AMY2B: variants seen among roughly 807,000 people sequenced by gnomAD.
AMY2B encodes amylase alpha 2B, also known as alpha-amylase 2B.
A neutral mutation model predicts 59.3 loss-of-function variants in AMY2B; 63 were observed. The observed-to-expected ratio is 1.06, with a 90% CI of 0.87 to 1.31. AMY2B has a LOEUF of 1.31. Ranked by LOEUF, AMY2B falls within the 50% of genes most tolerant of loss-of-function variation. AMY2B has a pLI of 0.00. For missense variants in AMY2B, 635 were observed against 626.7 expected, an observed-to-expected ratio of 1.01 and a Z score of -0.14; for synonymous variants, 180 against 198.1, an observed-to-expected ratio of 0.91 and a Z score of 0.77.
At position 103,579,467 on chromosome 1, in the gene AMY2B, AT is replaced by A. The variant is rs1652489144; in HGVS notation, c.1506del (p.Phe502LeufsTer13). 1 of 1,611,412 alleles carries A rather than the reference AT, an allele frequency of 6.2e-7. No individual in the cohort carries two copies. The highest frequency in any genetic ancestry group is 1.1e-5 in the South Asian group (1 of 90,844). ...FSISNSAEDP[F>X]IAIHAESKL ...CTATTAGTAACTCTGCTGAGGATCC[AT>A]TTATTGCAATTCATGCTGAATCTAA... is the stretch of plus-strand genomic sequence containing the variant. On this transcript the variant is annotated frameshift_variant, in exon 10 of 10. Coordinates refer to ENST00000684275, the MANE Select transcript of AMY2B (RefSeq NM_001387437.1). LOFTEE classifies it high-confidence loss of function.
At chr1:103,577,663 A>T in intron 8 of AMY2B, 55 bp downstream of exon 8, 1 of 1,611,934 alleles carries the variant, frequency 6.2e-7, no homozygotes, top group Non-Finnish European at 8.5e-7. Context: ...ATTGCATTTT[A>T]TTTAAAACAG....
chr1:103,575,516 G>A lies in AMY2B; in HGVS notation c.1077G>A (p.Trp359Ter), dbSNP rs757818865. The part of the protein sequence containing the change: ...GFTRVMSSYR[W>*]PRQFQNGNDV... The stretch of plus-strand genomic sequence containing the variant: ...CACGAGTAATGTCAAGCTACCGTTG[G>A]CCAAGACAGTTTCAAAATGGAAACG... The change falls in exon 7 of 10, where the codon TGG (tryptophan) becomes TGA (stop). Residue 359 changes from tryptophan (W) to a stop codon, truncating the protein, a stop_gained. Transcript: ENST00000684275. LOFTEE classifies it high-confidence loss of function. 2.4e-5 allele frequency: 39 copies of A among 1,613,492 alleles called. No homozygotes were observed. The highest frequency in any genetic ancestry group is 5.0e-5 in the Admixed American group (3 of 59,950).
chr1:103,578,037 G>A (rs1652433361), intron 9 of AMY2B, among the ~76,000 whole-genome samples, 192 bp downstream of exon 9: 1 of 152,078 alleles, frequency 6.6e-6, no homozygotes. Context: ...GTTTTATTAA[G>A]GGCTTTCTGT....
chr1:103,564,306 C>T (rs1233321616), intron 1 of AMY2B, among the ~76,000 whole-genome samples: 15 of 151,978 alleles, frequency 9.9e-5, no homozygotes, highest in Admixed American at 9.9e-4. Flanking sequence ...CATTTGGAAC[C>T]TTGAGTCAAG....
upstream of AMY2B, chr1:103,569,869 C>G (rs546030612): frequency 6.6e-6 from 3 of 457,946 alleles, no homozygotes; most frequent in East Asian, 1.1e-4. Context: ...TGCTGCTGAC[C>G]GAGGACCCCC....
At position 103,573,699 on chromosome 1, in the gene AMY2B, C is replaced by T; in HGVS notation, c.514-9C>T. On this transcript the variant is annotated splice_polypyrimidine_tract_variant and intron_variant, in intron 3 of 9. Transcript: ENST00000684275. ...TTATGAATCAATCATAACATTTTTA[C>T]CTCAACAGGTCAGAGATTGTCGTCT... is the stretch of plus-strand genomic sequence containing the variant. 6.2e-7 allele frequency: 1 copy of T among 1,613,582 alleles called. No homozygotes were observed. Among genetic ancestry groups the T allele is most frequent in the Non-Finnish European group, 8.5e-7 (1 of 1,179,624 alleles).
chr1:103,577,364 T>C (rs1652398907), intron 7 of AMY2B, 126 bp from the exon 8 acceptor site: 2 of 1,534,986 alleles, frequency 1.3e-6, no homozygotes, highest in Admixed American at 3.7e-5. Flanking sequence ...ATTGAAGGCA[T>C]TGGATTCTAG....
chr1:103,575,787 AAAC>A, intron 7 of AMY2B: 1 of 482,066 alleles, frequency 2.1e-6, no homozygotes, highest in Non-Finnish European at 3.4e-6. Flanking sequence ...AAAAAAAAAA[AAAC>A]CACTTAAAAA....
chr1:103,571,469 G>T, upstream of AMY2B: 1 of 1,495,018 alleles, frequency 6.7e-7, no homozygotes, highest in Non-Finnish European at 9.1e-7. Flanking sequence ...GATTATTATT[G>T]ATAATCCTTT....
intron 7 of AMY2B, among the ~76,000 whole-genome samples, chr1:103,577,232 C>T (rs763304288): frequency 6.6e-6 from 1 of 152,080 alleles, no homozygotes; most frequent in African/African-American, 2.4e-5. Flanking sequence ...AGCAAAGAAG[C>T]CTTTGCAGTT....
intron 1 of AMY2B, among the ~76,000 whole-genome samples, chr1:103,558,740 G>A (rs551329973): frequency 7.5e-4 from 111 of 148,398 alleles, no homozygotes; most frequent in Non-Finnish European, 1.4e-3. Flanking sequence ...TCCAGCCTGG[G>A]TGACATAGGG....
At chr1:103,557,203 T>G (rs919085112) in intron 1 of AMY2B, among the ~76,000 whole-genome samples, 8 of 151,400 alleles carry the variant, frequency 5.3e-5, no homozygotes, top group African/African-American at 1.9e-4. Context: ...CACAAAACAT[T>G]GAATAAGCAT....
intron 1 of AMY2B, among the ~76,000 whole-genome samples, chr1:103,561,166 A>G (rs573877733): frequency 6.6e-6 from 1 of 152,308 alleles, no homozygotes; most frequent in East Asian, 1.9e-4. Flanking sequence ...AGAACCTAGT[A>G]TGAAATCCAT....
At chr1:103,569,796 T>C (rs1652048498), upstream of AMY2B, 1 of 451,836 alleles carries the variant, frequency 2.2e-6, no homozygotes, top group Non-Finnish European at 4.5e-6. Context: ...TGGGATGACA[T>C]AGAGAAGATC....
chr1:103,577,737 G>T lies in AMY2B; in HGVS notation c.1238G>T (p.Arg413Leu). 4 of 1,611,098 alleles carry T rather than the reference G, an allele frequency of 2.5e-6. No homozygotes were observed. The highest frequency in any genetic ancestry group is 2.3e-4 in the Middle Eastern group (1 of 4,430). ...GTTTTTAGGAACATGGTTAATTTCC[G>T]CAATGTAGTGGATGGCCAGCCTTTT... ...WRQIRNMVNFRNVVDGQPFTN... is the reference protein window; with the variant it reads ...WRQIRNMVNFLNVVDGQPFTN... Residue 413 changes from arginine (R) to leucine (L), a missense_variant, in exon 9 of 10, where the codon CGC becomes CTC. Transcript: ENST00000684275.
chr1:103,574,294 G>A lies in AMY2B; in HGVS notation c.779G>A (p.Ser260Asn). ...IDLGGEPIKS[S>N]DYFGNGRVTE... The stretch of plus-strand genomic sequence containing the variant: ...CTGGGTGGTGAGCCAATTAAAAGCA[G>A]TGACTACTTTGGAAATGGCCGGGTG... Residue 260 changes from serine to asparagine, a missense_variant, in exon 5 of 10, where the codon AGT becomes AAT. Ser to Asn is a conservative substitution (Grantham distance 46, BLOSUM62 1). Transcript: ENST00000684275. 1 of 1,611,698 alleles carries A rather than the reference G, an allele frequency of 6.2e-7. No homozygotes were observed. The highest frequency in any genetic ancestry group is 8.5e-7 in the Non-Finnish European group (1 of 1,179,696).
chr1:103,560,697 TTG>T (rs1201111821), intron 1 of AMY2B, among the ~76,000 whole-genome samples: 1 of 152,116 alleles, frequency 6.6e-6, no homozygotes, highest in Non-Finnish European at 1.5e-5. Flanking sequence ...CAGTTTGCAG[TTG>T]TTTTTATTTT....
chr1:103,575,703 A>AAT (rs1652326376), intron 7 of AMY2B, 163 bp downstream of exon 7: 10 of 1,067,818 alleles, frequency 9.4e-6, no homozygotes, highest in Middle Eastern at 2.9e-4. Context: ...AAAGGAGTAA[A>AAT]ATATATATTT....
rs1263335781 is a variant in AMY2B, at chr1:103,575,252, C to A, written c.908C>A (p.Pro303His). Residue 303 changes from proline to histidine, a missense_variant, in exon 6 of 10, where the codon CCT becomes CAT. Pro to His is a moderately conservative substitution (Grantham distance 77). Transcript: ENST00000684275. ...TGGGGAGAAGGTTGGGGTTTCATGC[C>A]TTCTGACAGAGCACTTGTCTTTGTG... ...KNWGEGWGFM[P>H]SDRALVFVDN... 6.2e-7 allele frequency: 1 copy of A among 1,613,508 alleles called. No homozygotes were observed. Among genetic ancestry groups the A allele is most frequent in the South Asian group, 1.1e-5 (1 of 91,060 alleles).
Sources: gnomAD v4.1 joint callset for allele counts (sites outside exome capture counted in the v4.1 genomes callset) on GRCh38, gnomAD v4.1.1 for gene constraint, MANE v1.5 for transcripts, NCBI Gene and HGNC (gene_info 2026-07-23, HGNC 2026-07-21) for gene names.